DCC: variants seen among roughly 807,000 people sequenced by gnomAD.
DCC encodes DCC netrin 1 receptor.
DCC carries 58 observed loss-of-function variants against 172.5 expected under a neutral mutation model. The ratio of observed to expected loss-of-function variants is 0.34; its 90% CI spans 0.27 to 0.42. DCC has a LOEUF of 0.42. DCC is among the 10% of genes least tolerant of loss of function. DCC has a pLI of 1.00. For synonymous variants in DCC, 709 were observed against 644.5 expected (o/e 1.10, Z -1.52); for missense variants, 1,740 against 1,791.0 (o/e 0.97, Z 0.51).
At chr18:53,429,462 A>G (rs1037189396) in intron 21 of DCC, among the ~76,000 whole-genome samples, 4 of 151,866 alleles carry the variant, frequency 2.6e-5, no homozygotes, top group African/African-American at 9.7e-5. Context: ...TCGTGTGTGA[A>G]ATTATTATCT....
At chr18:52,978,988 A>G (rs1376385523) in intron 5 of DCC, among the ~76,000 whole-genome samples, 1 of 152,190 alleles carries the variant, frequency 6.6e-6, no homozygotes, top group Non-Finnish European at 1.5e-5. Context: ...GGTTGGTTCC[A>G]TATCTTTGCA....
intron 1 of DCC, among the ~76,000 whole-genome samples, chr18:52,423,725 A>G (rs559634059): frequency 6.6e-6 from 1 of 152,236 alleles, no homozygotes; most frequent in South Asian, 2.1e-4. Flanking sequence ...GATGAGTAAG[A>G]GCTTCTTTTG....
intron 9 of DCC, among the ~76,000 whole-genome samples, chr18:53,197,695 T>C (rs1280995167): frequency 6.6e-6 from 1 of 151,968 alleles, no homozygotes; most frequent in Non-Finnish European, 1.5e-5. Context: ...ATTCAGATTC[T>C]TTTTTGAAAA....
chr18:52,893,148 G>C (rs1024494020), intron 2 of DCC, among the ~76,000 whole-genome samples: 3 of 151,954 alleles, frequency 2.0e-5, no homozygotes, highest in Non-Finnish European at 4.4e-5. Flanking sequence ...TTGAAAACTT[G>C]TTTCATTTAG....
At chr18:53,512,968 A>G (rs9748589) in intron 27 of DCC, among the ~76,000 whole-genome samples, 11,286 of 152,058 alleles carry the variant, frequency 0.074, 1,300 homozygotes, top group African/African-American at 0.24. Flanking sequence ...GAATGCCACA[A>G]AGATACTCCT....
chr18:53,146,977 C>T (rs1190645471), intron 7 of DCC, among the ~76,000 whole-genome samples: 1 of 152,054 alleles, frequency 6.6e-6, no homozygotes, highest in Non-Finnish European at 1.5e-5. Flanking sequence ...CCCATCTTTT[C>T]TAGAGGAATT....
intron 5 of DCC, among the ~76,000 whole-genome samples, chr18:52,989,554 T>G (rs2041349319): frequency 6.6e-6 from 1 of 152,160 alleles, no homozygotes; most frequent in Non-Finnish European, 1.5e-5. Context: ...TTGCTGTGAT[T>G]TTGGTGAAGT....
chr18:52,537,914 G>T (rs546637454), intron 1 of DCC, among the ~76,000 whole-genome samples: 25 of 152,182 alleles, frequency 1.6e-4, no homozygotes, highest in Non-Finnish European at 3.5e-4. Flanking sequence ...AGAATTTTCT[G>T]TCTTCTGCCC....
At chr18:53,256,886 A>C (rs953083693) in intron 12 of DCC, among the ~76,000 whole-genome samples, 7 of 152,198 alleles carry the variant, frequency 4.6e-5, no homozygotes, top group Non-Finnish European at 8.8e-5. Flanking sequence ...CTTTGATTTC[A>C]TTGAGCAGTG....
intron 25 of DCC, among the ~76,000 whole-genome samples, chr18:53,474,620 C>A (rs2045739490): frequency 6.6e-6 from 1 of 152,094 alleles, no homozygotes; most frequent in African/African-American, 2.4e-5. Flanking sequence ...GTGAGACGTG[C>A]CTTTCACCTT....
intron 12 of DCC, among the ~76,000 whole-genome samples, chr18:53,275,714 G>A (rs774527327): frequency 1.3e-5 from 2 of 152,208 alleles, no homozygotes; most frequent in Non-Finnish European, 2.9e-5. Flanking sequence ...TTAATTTCCT[G>A]TTGGTTTTGC....
At chr18:52,889,645 T>C (rs757395002) in intron 2 of DCC, among the ~76,000 whole-genome samples, 10 of 152,140 alleles carry the variant, frequency 6.6e-5, no homozygotes, top group Non-Finnish European at 1.0e-4. Context: ...AAATCTTGTT[T>C]GTACAGTTAA....
chr18:53,512,169 C>CCTAA (rs1230794162), intron 27 of DCC, among the ~76,000 whole-genome samples: 3 of 148,938 alleles, frequency 2.0e-5, no homozygotes, highest in African/African-American at 4.9e-5. Flanking sequence ...CCCCCAGCAG[C>CCTAA]CTAACTGGGA....
intron 21 of DCC, among the ~76,000 whole-genome samples, chr18:53,428,503 GTATATTTTA>G (rs1911265771): frequency 2.7e-5 from 1 of 37,696 alleles, no homozygotes; most frequent in East Asian, 6.8e-4. Context: ...TATTTATATT[GTATATTTTA>G]TATATTTTAT....
At chr18:53,498,321 G>C (rs139923702) in intron 26 of DCC, among the ~76,000 whole-genome samples, 2 of 152,022 alleles carry the variant, frequency 1.3e-5, no homozygotes, top group Non-Finnish European at 2.9e-5. Flanking sequence ...TCAAAAGCAA[G>C]ATATTATCTT....
intron 12 of DCC, among the ~76,000 whole-genome samples, chr18:53,279,986 C>T (rs1161175932): frequency 1.3e-5 from 2 of 152,038 alleles, no homozygotes; most frequent in African/African-American, 4.8e-5. Context: ...TACCGTTGAG[C>T]ACTATGCTTA....
At chr18:53,204,071 A>G (rs12604508) in intron 9 of DCC, among the ~76,000 whole-genome samples, 47,183 of 141,810 alleles carry the variant, frequency 0.33, 9,173 homozygotes, top group East Asian at 0.6. Context: ...CTGCAAATAT[A>G]TAGTTACATT....
At chr18:53,442,855 G>A (rs930139085) in intron 22 of DCC, among the ~76,000 whole-genome samples, 4 of 152,150 alleles carry the variant, frequency 2.6e-5, no homozygotes, top group Admixed American at 6.5e-5. Flanking sequence ...TAAAACCAGC[G>A]ACAACATTCC....
intron 12 of DCC, among the ~76,000 whole-genome samples, chr18:53,243,037 AG>A (rs1471145318): frequency 6.6e-6 from 1 of 152,156 alleles, no homozygotes; most frequent in Non-Finnish European, 1.5e-5. Context: ...TGATTCAAGA[AG>A]GAACATTTTT....
Sources: gnomAD v4.1 joint callset for allele counts (sites outside exome capture counted in the v4.1 genomes callset) on GRCh38, gnomAD v4.1.1 for gene constraint, MANE v1.5 for transcripts, NCBI Gene and HGNC (gene_info 2026-07-23, HGNC 2026-07-21) for gene names.